RBM33: variants seen among roughly 807,000 people sequenced by gnomAD.
The protein encoded by RBM33 is RNA binding motif protein 33, also known as RNA-binding protein 33.
Under a neutral mutation model 132.6 loss-of-function variants are expected in RBM33, and 28 were observed. The observed-to-expected ratio is 0.21, with a 90% CI of 0.16 to 0.29. The LOEUF (loss-of-function observed/expected upper bound fraction) is 0.29, where lower values mean the gene tolerates loss of function less well. Ranked by LOEUF, RBM33 falls within the 10% of genes least tolerant of loss-of-function variation. The pLI, the probability that RBM33 is intolerant of heterozygous loss-of-function variation, is 1.00. For synonymous variants in RBM33, 634 were observed against 593.0 expected, an observed-to-expected ratio of 1.07 and a Z score of -1.01; for missense variants, 1,291 against 1,518.5, an observed-to-expected ratio of 0.85 and a Z score of 2.49.
At chr7:155,711,056 C>A in intron 7 of RBM33, 147 bp from the exon 8 acceptor site, 1 of 1,191,598 alleles carries the variant, frequency 8.4e-7, no homozygotes, top group Non-Finnish European at 1.1e-6. Context: ...CAAGTTGTTA[C>A]TACAGACTTC....
intron 14 of RBM33, among the ~76,000 whole-genome samples, chr7:155,750,329 A>C (rs1269356497): frequency 2.6e-5 from 4 of 151,982 alleles, no homozygotes; most frequent in Non-Finnish European, 5.9e-5. Flanking sequence ...TCAAGTAATA[A>C]CAGCAAATAT....
intron 14 of RBM33, among the ~76,000 whole-genome samples, chr7:155,754,219 T>G (rs1801774883): frequency 6.6e-6 from 1 of 152,164 alleles, no homozygotes. Context: ...CAGAAATAAT[T>G]CACCTTCAGC....
intron 6 of RBM33, among the ~76,000 whole-genome samples, chr7:155,703,969 T>TA (rs1800039715): frequency 6.6e-6 from 1 of 152,180 alleles, no homozygotes. Flanking sequence ...TTTTCGCTGA[T>TA]ATTGTTAGTG....
At position 155,680,706 on chromosome 7, in the gene RBM33, A is replaced by G. The variant is rs1271931862; in HGVS notation, c.365A>G (p.Gln122Arg). 1 of 1,613,104 alleles carries G rather than the reference A, an allele frequency of 6.2e-7. No homozygotes were observed. The highest frequency in any genetic ancestry group is 1.7e-5 in the Admixed American group (1 of 59,858). ...GEQESEYEQE[Q>R]GEDELVYHKS... The stretch of plus-strand genomic sequence containing the variant: ...CAGGAATCTGAGTATGAACAAGAAC[A>G]AGGAGAGGATGAACTGGTTTATCAC... Residue 122 changes from glutamine to arginine, a missense_variant, in exon 5 of 18, where the codon CAA becomes CGA. Gln to Arg is a conservative substitution (Grantham distance 43). Coordinates refer to ENST00000401878, the MANE Select transcript of RBM33 (RefSeq NM_053043.3).
chr7:155,678,983 T>A (rs777714054), intron 4 of RBM33, among the ~76,000 whole-genome samples: 1 of 151,790 alleles, frequency 6.6e-6, no homozygotes, highest in African/African-American at 2.4e-5. Flanking sequence ...ACCAGCCTGG[T>A]TAACATGGTG....
At chr7:155,756,036 A>G (rs896425145) in intron 14 of RBM33, among the ~76,000 whole-genome samples, 4 of 152,250 alleles carry the variant, frequency 2.6e-5, no homozygotes, top group Admixed American at 6.5e-5. Context: ...AGTAGAAGAT[A>G]TTTAAAATGC....
At chr7:155,768,019 C>T (rs953047160) in intron 16 of RBM33, among the ~76,000 whole-genome samples, 5 of 152,200 alleles carry the variant, frequency 3.3e-5, no homozygotes, top group African/African-American at 1.2e-4. Context: ...GATGGGTGCG[C>T]TTGGCGAGGC....
At chr7:155,717,261 C>A (rs1205693063) in intron 8 of RBM33, among the ~76,000 whole-genome samples, 1 of 152,120 alleles carries the variant, frequency 6.6e-6, no homozygotes, top group Non-Finnish European at 1.5e-5. Flanking sequence ...GGCTGGAAGT[C>A]CAAGTTCGAG....
At chr7:155,731,858 A>G (rs948730401) in intron 9 of RBM33, among the ~76,000 whole-genome samples, 3 of 152,210 alleles carry the variant, frequency 2.0e-5, no homozygotes, top group East Asian at 3.8e-4. Flanking sequence ...TTTCTAAGAA[A>G]TGGAGTTTTT....
intron 3 of RBM33, among the ~76,000 whole-genome samples, chr7:155,673,928 A>C: frequency 1.6e-5 from 1 of 64,434 alleles, no homozygotes; most frequent in African/African-American, 5.3e-5. Context: ...TTATCAAGAT[A>C]GTTTAGGCTT....
rs1178243226 is a variant in RBM33 at position 155,658,881 on chromosome 7, GCT to G, written c.44-6287_44-6286del. ...TCATCACTGATGGGCTGGTACAGAG[GCT>G]CTCTCTGTTATTTTCATCCCCCTCT... On this transcript the variant is annotated intron_variant, in intron 1 of 17. Coordinates refer to ENST00000401878, the MANE Select transcript of RBM33 (RefSeq NM_053043.3). Among the ~76,000 whole-genome samples the G allele has an allele frequency of 2.0e-5, 3 of 152,138 alleles. No individual in the cohort carries two copies. In the East Asian group the frequency reaches 5.8e-4, roughly 29 times the overall value.
intron 5 of RBM33, among the ~76,000 whole-genome samples, chr7:155,682,231 T>C (rs1401147835): frequency 2.6e-5 from 4 of 152,184 alleles, no homozygotes; most frequent in Non-Finnish European, 5.9e-5. Context: ...CTCAATAGTT[T>C]TAAGATTTAA....
At chr7:155,732,725 G>T (rs1800991390) in intron 9 of RBM33, among the ~76,000 whole-genome samples, 5 of 152,214 alleles carry the variant, frequency 3.3e-5, no homozygotes, top group Admixed American at 3.3e-4. Flanking sequence ...GAGAAGAGGG[G>T]GAAGGAAGTG....
intron 9 of RBM33, among the ~76,000 whole-genome samples, chr7:155,735,543 A>C (rs966798865): frequency 6.6e-6 from 1 of 152,126 alleles, no homozygotes; most frequent in Admixed American, 6.5e-5. Flanking sequence ...TGCCTCTACA[A>C]AAAAACTAGC....
chr7:155,691,424 T>C (rs886276263), intron 5 of RBM33, among the ~76,000 whole-genome samples: 1 of 152,234 alleles, frequency 6.6e-6, no homozygotes, highest in Non-Finnish European at 1.5e-5. Flanking sequence ...CTTCCTCATT[T>C]AGCTTGGATG....
intron 5 of RBM33, among the ~76,000 whole-genome samples, chr7:155,685,669 T>C (rs1799458067): frequency 6.6e-6 from 1 of 152,164 alleles, no homozygotes; most frequent in Admixed American, 6.5e-5. Context: ...AAAGATAGAT[T>C]GCATTTGTAC....
chr7:155,661,393 T>G (rs1445045978), intron 1 of RBM33, among the ~76,000 whole-genome samples: 2 of 150,184 alleles, frequency 1.3e-5, no homozygotes, highest in African/African-American at 4.9e-5. Context: ...AAGTGGTTTT[T>G]TTTTTTTCTT....
intron 1 of RBM33, among the ~76,000 whole-genome samples, chr7:155,656,105 G>A (rs932514589): frequency 2.0e-4 from 30 of 152,116 alleles, no homozygotes; most frequent in Non-Finnish European, 2.6e-4. Flanking sequence ...ATGATAATAT[G>A]TAAGTTTTCA....
chr7:155,757,630 A>G (rs1461540409), intron 14 of RBM33, among the ~76,000 whole-genome samples: 2 of 152,134 alleles, frequency 1.3e-5, no homozygotes, highest in East Asian at 3.9e-4. Context: ...AATGGGCACA[A>G]TGAGGATACT....
Sources: allele counts gnomAD v4.1 joint callset (sites outside exome capture counted in the v4.1 genomes callset), GRCh38; gene constraint gnomAD v4.1.1; transcripts MANE v1.5; gene names NCBI Gene and HGNC (gene_info 2026-07-23, HGNC 2026-07-21).